PARD3B: variants seen among roughly 807,000 people sequenced by gnomAD.
PARD3B encodes the protein par-3 family cell polarity regulator beta.
A neutral mutation model predicts 130.2 loss-of-function variants in PARD3B; 103 were observed. That is an observed-to-expected ratio of 0.79 (90% CI 0.67 to 0.93). The LOEUF (loss-of-function observed/expected upper bound fraction) is 0.93. Ranked by LOEUF, PARD3B falls within the 40% of genes least tolerant of loss-of-function variation. The pLI is 0.00. For missense variants in PARD3B, 1,609 were observed against 1,499.2 expected (o/e 1.07, Z -1.21); for synonymous variants, 583 against 553.2 (o/e 1.05, Z -0.76).
chr2:204,897,292 A>G (rs568477059), intron 2 of PARD3B, among the ~76,000 whole-genome samples: 1 of 152,054 alleles, frequency 6.6e-6, no homozygotes, highest in South Asian at 2.1e-4. Flanking sequence ...TCAATGTTTT[A>G]GAGGACTAAG....
At chr2:205,067,095 CTTTTTTT>C (rs10672449) in intron 4 of PARD3B, among the ~76,000 whole-genome samples, 20 of 59,710 alleles carry the variant, frequency 3.3e-4, no homozygotes, top group Admixed American at 8.9e-4. Context: ...TTTTACTAGG[CTTTTTTT>C]TTTTTTTTTT....
At chr2:205,369,738 G>A (rs2044740443) in intron 18 of PARD3B, among the ~76,000 whole-genome samples, 1 of 152,108 alleles carries the variant, frequency 6.6e-6, no homozygotes, top group South Asian at 2.1e-4. Context: ...TTACTTGTTT[G>A]TATGACTTTT....
intron 4 of PARD3B, among the ~76,000 whole-genome samples, chr2:205,099,134 G>A (rs1702584991): frequency 6.6e-6 from 1 of 152,004 alleles, no homozygotes; most frequent in South Asian, 2.1e-4. Flanking sequence ...GACCAAAAGA[G>A]GAGATAAAAT....
At chr2:205,227,949 A>T (rs1574449554) in intron 15 of PARD3B, among the ~76,000 whole-genome samples, 1 of 152,190 alleles carries the variant, frequency 6.6e-6, no homozygotes, top group East Asian at 1.9e-4. Context: ...TAAAGAAACA[A>T]ACTAATAAAC....
At chr2:205,272,269 C>T (rs1454128695) in intron 16 of PARD3B, among the ~76,000 whole-genome samples, 1 of 151,768 alleles carries the variant, frequency 6.6e-6, no homozygotes, top group Non-Finnish European at 1.5e-5. Flanking sequence ...GTAAATATGG[C>T]AATATATATT....
chr2:204,863,817 T>C (rs1330800105), intron 2 of PARD3B, among the ~76,000 whole-genome samples: 1 of 152,210 alleles, frequency 6.6e-6, no homozygotes, highest in Non-Finnish European at 1.5e-5. Context: ...AAATAAGTCT[T>C]TGACTTTTCC....
chr2:205,436,276 G>A (rs1397248390), intron 19 of PARD3B, among the ~76,000 whole-genome samples: 2 of 152,124 alleles, frequency 1.3e-5, no homozygotes, highest in South Asian at 2.1e-4. Flanking sequence ...AGACATTACC[G>A]CCGTAGCAAC....
At chr2:205,418,176 C>T (rs2046845426) in intron 19 of PARD3B, among the ~76,000 whole-genome samples, 1 of 152,032 alleles carries the variant, frequency 6.6e-6, no homozygotes, top group Admixed American at 6.6e-5. Context: ...GTTTTAGGTC[C>T]CTGGACCTTT....
At chr2:204,999,030 G>A (rs1294738024) in intron 3 of PARD3B, among the ~76,000 whole-genome samples, 1 of 151,904 alleles carries the variant, frequency 6.6e-6, no homozygotes, top group Admixed American at 6.6e-5. Context: ...GGCACTTCTA[G>A]AGTAATCTCA....
chr2:205,223,255 G>A (rs1412051832), intron 15 of PARD3B, among the ~76,000 whole-genome samples: 1 of 152,188 alleles, frequency 6.6e-6, no homozygotes, highest in Non-Finnish European at 1.5e-5. Context: ...CAAAGATAAA[G>A]AGAATATTAT....
At chr2:204,932,705 A>G (rs1688119269) in intron 2 of PARD3B, among the ~76,000 whole-genome samples, 1 of 152,204 alleles carries the variant, frequency 6.6e-6, no homozygotes. Context: ...AGTATTGTGT[A>G]ATGTTTTATG....
At chr2:205,047,470 T>C (rs1047652412) in intron 3 of PARD3B, 111 bp from the exon 4 acceptor site, 1 of 583,654 alleles carries the variant, frequency 1.7e-6, no homozygotes, top group Non-Finnish European at 3.0e-6. Context: ...AGAAATAGAA[T>C]GTTTTTACAT....
chr2:205,441,181 T>A (rs896228745), intron 20 of PARD3B, among the ~76,000 whole-genome samples: 1 of 152,124 alleles, frequency 6.6e-6, no homozygotes, highest in Admixed American at 6.5e-5. Flanking sequence ...TAGATATTCA[T>A]GGATGATCAG....
intron 1 of PARD3B, among the ~76,000 whole-genome samples, chr2:204,571,892 A>G (rs2032023855): frequency 6.6e-6 from 1 of 152,206 alleles, no homozygotes; most frequent in Non-Finnish European, 1.5e-5. Flanking sequence ...TGTGTGTGTA[A>G]TTATTATTGC....
rs181992563 is a variant in PARD3B at position 205,321,067 on chromosome 2, C to G, written c.2630+19366C>G. 7.2e-4 allele frequency among the ~76,000 whole-genome samples: 110 copies of G among 152,246 alleles called. 1 individual carries two copies. Among genetic ancestry groups the G allele is most frequent in the African/African-American group, 2.3e-3 (94 of 41,554 alleles). On this transcript the variant is annotated intron_variant, in intron 18 of 22. Transcript: ENST00000406610. The surrounding 1 kb of genome is among the most constrained non-coding windows in gnomAD (Gnocchi z 4.2). ...TTCTCTGAAAATCTTGCTTTCTAGC[C>G]TAACAATCTGCTTAGGAAGTAGGTC...
intron 3 of PARD3B, among the ~76,000 whole-genome samples, chr2:204,985,754 G>T (rs915085382): frequency 3.9e-5 from 6 of 152,054 alleles, no homozygotes; most frequent in African/African-American, 1.4e-4. Flanking sequence ...TGAGGGTTGG[G>T]GTGATGTGTA....
intron 22 of PARD3B, among the ~76,000 whole-genome samples, chr2:205,614,532 A>G (rs1216816101): frequency 6.6e-6 from 1 of 151,868 alleles, no homozygotes; most frequent in Non-Finnish European, 1.5e-5. Flanking sequence ...AATGAAACCC[A>G]TCTCTACAAA....
rs1003420816 is a variant in PARD3B at position 205,589,702 on chromosome 2, G to A, written c.3261-25754G>A. Among the ~76,000 whole-genome samples the A allele has an allele frequency of 6.6e-6, 1 of 152,184 alleles. No individual in the cohort carries two copies. Among genetic ancestry groups the A allele is most frequent in the Non-Finnish European group, 1.5e-5 (1 of 68,018 alleles). ...ATTGGAGAATTGCTAGAGGACTCGA[G>A]TTAGGGATGATTCACTTTCTCAGAA... On this transcript the variant is annotated intron_variant, in intron 22 of 22. Transcript: ENST00000406610. This position sits in a 1 kb window ranked among gnomAD's most constrained non-coding sequence, Gnocchi z 4.1.
At chr2:205,048,502 C>T (rs1314935692) in intron 4 of PARD3B, 2 of 152,116 alleles carry the variant, frequency 1.3e-5, no homozygotes, top group Admixed American at 1.3e-4. Context: ...TGACTATATA[C>T]CATTGCAATA....
Sources: allele counts gnomAD v4.1 joint callset (sites outside exome capture counted in the v4.1 genomes callset), GRCh38; gene constraint gnomAD v4.1.1; non-coding constraint Gnocchi (gnomAD v3.1); transcripts MANE v1.5; gene names NCBI Gene and HGNC (gene_info 2026-07-23, HGNC 2026-07-21).